The following SLC9A8 variants were observed in gnomAD, a reference collection of about 807,000 sequenced individuals.
SLC9A8 encodes the protein sodium/hydrogen exchanger 8.
In SLC9A8, 48 loss-of-function variants were observed where a neutral mutation model predicts 66.6. The observed-to-expected ratio is 0.72, with a 90% CI of 0.57 to 0.92. The LOEUF (loss-of-function observed/expected upper bound fraction) is 0.92, where lower values mean the gene tolerates loss of function less well. Among genes scored for constraint, SLC9A8 ranks in the 40% least tolerant of loss-of-function variants. SLC9A8 has a pLI of 0.00. For missense variants in SLC9A8, 599 were observed against 747.3 expected (o/e 0.80, Z 2.31); for synonymous variants, 274 against 282.6 (o/e 0.97, Z 0.31).
At chr20:49,846,531 A>G (rs2087999005) in intron 5 of SLC9A8, among the ~76,000 whole-genome samples, 1 of 151,564 alleles carries the variant, frequency 6.6e-6, no homozygotes, top group Admixed American at 6.6e-5. Context: ...ACCACACTAA[A>G]TAAATGAAGT....
Position 49,878,172 on chromosome 20 carries a change from C to T in SLC9A8, c.1158+109C>T. ...GTTAACTGTTCAAAGTCAACAGCTA[C>T]ATAGACACTCTTTTGTTTAAAGTTT... On this transcript the variant is annotated intron_variant, in intron 12 of 15. Transcript: ENST00000361573. 6 of 547,746 alleles carry T rather than the reference C, an allele frequency of 1.1e-5. No homozygotes were observed. In the South Asian group the frequency reaches 2.0e-4, roughly 18 times the overall value. The allele number at this position is 547,746 out of a possible 1,614,324, so 33.9% of individuals were successfully genotyped here.
intron 9 of SLC9A8, 39 bp from the exon 10 acceptor site, chr20:49,864,700 C>T (rs2088890104): frequency 6.9e-7 from 1 of 1,443,092 alleles, no homozygotes; most frequent in African/African-American, 1.4e-5. Context: ...CTCCCATCAA[C>T]TCTCCCTCGA....
intron 11 of SLC9A8, among the ~76,000 whole-genome samples, chr20:49,875,209 G>A (rs589700): frequency 0.91 from 138,268 of 151,234 alleles, 63,306 homozygotes; most frequent in African/African-American, 0.95. Flanking sequence ...TGTAATCCCA[G>A]CTGCTTGGGA....
chr20:49,851,574 G>T (rs1205421889), intron 7 of SLC9A8, among the ~76,000 whole-genome samples: 2 of 152,208 alleles, frequency 1.3e-5, no homozygotes, highest in Non-Finnish European at 2.9e-5. Context: ...TTCGTCCCCA[G>T]ATCCTTGCCA....
At chr20:49,844,854 T>A (rs1600707288) in intron 4 of SLC9A8, among the ~76,000 whole-genome samples, 182 bp from the exon 5 acceptor site, 1 of 148,100 alleles carries the variant, frequency 6.8e-6, no homozygotes, top group Non-Finnish European at 1.5e-5. Context: ...ACAGTTTCAT[T>A]TTTTTTTTTG....
chr20:49,869,831 CA>C (rs3091941), intron 10 of SLC9A8, among the ~76,000 whole-genome samples: 135,027 of 148,842 alleles, frequency 0.91, 61,308 homozygotes, highest in African/African-American at 0.94. Context: ...GACTCCATCT[CA>C]AAAAAAAAAA....
At chr20:49,830,564 G>C (rs2087132809) in intron 3 of SLC9A8, 5 of 617,726 alleles carry the variant, frequency 8.1e-6, no homozygotes, top group African/African-American at 1.9e-5. Flanking sequence ...CCAGGTCGGG[G>C]GGTCGCTTTC....
chr20:49,873,568 C>T (rs960136715), intron 10 of SLC9A8, among the ~76,000 whole-genome samples: 3 of 150,126 alleles, frequency 2.0e-5, no homozygotes, highest in South Asian at 2.1e-4. Flanking sequence ...GTCAGGAGTT[C>T]GAGACCAGCC....
chr20:49,834,369 G>A (rs866471112), intron 3 of SLC9A8, among the ~76,000 whole-genome samples: 3,524 of 55,640 alleles, frequency 0.063, 336 homozygotes, highest in African/African-American at 0.11. Context: ...TATATACTGT[G>A]TATATATATA....
chr20:49,850,942 C>G lies in SLC9A8; in HGVS notation c.569+98C>G. The G allele has an allele frequency of 2.0e-5, 15 of 750,924 alleles. No individual in the cohort carries two copies. The South Asian group carries it at 3.8e-4, about 19-fold the overall frequency. 46.5% of individuals were successfully genotyped at this position (750,924 alleles called of 1,614,324 possible). ...TGGGTGTGGTACTGTTCTATTCTCT[C>G]TCTGTGTATTTATTTTTGGTAAGGA... On this transcript the variant is annotated intron_variant, in intron 7 of 15. Coordinates refer to ENST00000361573, the MANE Select transcript of SLC9A8 (RefSeq NM_015266.3).
intron 11 of SLC9A8, among the ~76,000 whole-genome samples, chr20:49,876,017 G>A (rs1354284639): frequency 6.6e-6 from 1 of 152,154 alleles, no homozygotes; most frequent in Non-Finnish European, 1.5e-5. Context: ...GGGATTACAG[G>A]CATGAGCCAC....
intron 11 of SLC9A8, 78 bp downstream of exon 11, chr20:49,874,899 G>A (rs2089363574): frequency 1.0e-6 from 1 of 990,108 alleles, no homozygotes; most frequent in Non-Finnish European, 1.6e-6. Flanking sequence ...TGAGAAGTCA[G>A]TTGAGACTTT....
chr20:49,815,237 G>C, intron 2 of SLC9A8, 48 bp downstream of exon 2: 1 of 1,438,806 alleles, frequency 7.0e-7, no homozygotes, highest in Non-Finnish European at 9.2e-7. Flanking sequence ...CCGTGTCTGT[G>C]TGCTCGGTCT....
At chr20:49,838,600 TCCTG>T (rs2087636696) in intron 3 of SLC9A8, among the ~76,000 whole-genome samples, 1 of 152,244 alleles carries the variant, frequency 6.6e-6, no homozygotes, top group African/African-American at 2.4e-5. Context: ...CACGTCCTTT[TCCTG>T]CTCAGCTTCT....
intron 3 of SLC9A8, among the ~76,000 whole-genome samples, chr20:49,828,237 C>T (rs1411494303): frequency 1.3e-5 from 2 of 151,650 alleles, no homozygotes. Context: ...CCTGCCACCA[C>T]GCCCAGCTAA....
chr20:49,834,348 CTGTATATATATATAT>C (rs2087386571), intron 3 of SLC9A8, among the ~76,000 whole-genome samples: 1 of 69,156 alleles, frequency 1.4e-5, no homozygotes, highest in Non-Finnish European at 2.9e-5. Flanking sequence ...TATATATATA[CTGTATATATATATAT>C]ACTGTGTATA....
Position 49,831,304 on chromosome 20 carries a change from A to G in SLC9A8, c.289+8163A>G, listed in dbSNP as rs566516755. 5.9e-5 allele frequency among the ~76,000 whole-genome samples: 9 copies of G among 152,210 alleles called. No individual in the cohort carries two copies. In the East Asian group the frequency reaches 1.2e-3, roughly 20 times the overall value. ...TGTCAGCAGGATTGGCTCATGGGAA[A>G]GCTCTTGAGCTGGGCACTGGCCTCC... On this transcript the variant is annotated intron_variant, in intron 3 of 15. Transcript: ENST00000361573.
chr20:49,872,337 C>T (rs920161075), intron 10 of SLC9A8, among the ~76,000 whole-genome samples: 1 of 152,162 alleles, frequency 6.6e-6, no homozygotes, highest in African/African-American at 2.4e-5. Context: ...TGCTGTCACT[C>T]AGCCAGCCCA....
intron 4 of SLC9A8, among the ~76,000 whole-genome samples, chr20:49,841,440 A>G (rs1275883540): frequency 6.6e-6 from 1 of 152,082 alleles, no homozygotes; most frequent in African/African-American, 2.4e-5. Context: ...CAGAAAAACA[A>G]GAGGAGCTGG....
Sources: allele counts gnomAD v4.1 joint callset (sites outside exome capture counted in the v4.1 genomes callset), GRCh38; gene constraint gnomAD v4.1.1; transcripts MANE v1.5; gene names NCBI Gene and HGNC (gene_info 2026-07-23, HGNC 2026-07-21).